DMXL1: variants seen among roughly 807,000 people sequenced by gnomAD.
The protein encoded by DMXL1 is dmX-like protein 1.
A neutral mutation model predicts 319.2 loss-of-function variants in DMXL1; 99 were observed. The ratio of observed to expected loss-of-function variants is 0.31; its 90% confidence interval spans 0.26 to 0.37. DMXL1 has a LOEUF of 0.37. Among genes scored for constraint, DMXL1 ranks in the 10% least tolerant of loss-of-function variants. The pLI is 1.00. For missense variants in DMXL1, 3,745 were observed against 3,595.6 expected, an observed-to-expected ratio of 1.04 and a Z score of -1.06; for synonymous variants, 1,385 against 1,235.2, an observed-to-expected ratio of 1.12 and a Z score of -2.54.
At chr5:119,079,556 A>G (rs959567385) in intron 1 of DMXL1, among the ~76,000 whole-genome samples, 1 of 152,158 alleles carries the variant, frequency 6.6e-6, no homozygotes, top group African/African-American at 2.4e-5. Context: ...TGCCACTTTT[A>G]TGTCCTGCTC....
intron 25 of DMXL1, 107 bp downstream of exon 25, chr5:119,172,076 A>G (rs977257840): frequency 2.1e-5 from 22 of 1,030,474 alleles, no homozygotes; most frequent in Non-Finnish European, 2.9e-5. Flanking sequence ...GACTAAGCAT[A>G]GCAATTGTTA....
Position 119,071,375 on chromosome 5 carries a change from T to C in DMXL1, c.-195T>C, listed in dbSNP as rs1445428724. 2.5e-5 allele frequency: 14 copies of C among 566,584 alleles called. No individual in the cohort carries two copies. In the East Asian group the frequency reaches 4.0e-4, roughly 16 times the overall value. The allele number at this position is 566,584 out of a possible 1,614,324, so 35.1% of individuals were successfully genotyped here. On this transcript the variant is annotated 5_prime_UTR_variant, in exon 1 of 44. Coordinates refer to ENST00000539542, the MANE Select transcript of DMXL1 (RefSeq NM_001290321.3). ...TCCGCCCTCTCGCCGACCCGCCCCCTCCGGGCCTCGCCCTCCGGGGCTCGG... is the reference window on the plus strand; with the variant it reads ...TCCGCCCTCTCGCCGACCCGCCCCCCCCGGGCCTCGCCCTCCGGGGCTCGG...
intron 20 of DMXL1, among the ~76,000 whole-genome samples, chr5:119,164,943 A>C (rs1232464646): frequency 6.6e-6 from 1 of 152,158 alleles, no homozygotes; most frequent in Non-Finnish European, 1.5e-5. Flanking sequence ...GAAAAATTTA[A>C]AAATAGTACA....
intron 2 of DMXL1, among the ~76,000 whole-genome samples, chr5:119,101,409 T>A (rs149350370): frequency 7.0e-4 from 107 of 152,320 alleles, no homozygotes; most frequent in African/African-American, 2.5e-3. Flanking sequence ...TAGTAGTAGT[T>A]ACCTTATAAA....
chr5:119,183,508 C>T (rs866093118), intron 28 of DMXL1, among the ~76,000 whole-genome samples: 13 of 152,038 alleles, frequency 8.6e-5, no homozygotes, highest in African/African-American at 3.1e-4. Flanking sequence ...AGACTCGTAC[C>T]GTCGCCCAGG....
Position 119,220,983 on chromosome 5 carries a change from G to C in DMXL1, c.8179G>C (p.Ala2727Pro), listed in dbSNP as rs201157312. 6.2e-6 allele frequency: 10 copies of C among 1,613,758 alleles called. No individual in the cohort carries two copies. The highest frequency in any genetic ancestry group is 3.4e-6 in the Non-Finnish European group (4 of 1,179,752). The change falls in exon 37 of 44, where the codon GCT becomes CCT. Residue 2727 changes from alanine (A) to proline (P), a missense_variant. Coordinates refer to ENST00000539542, the MANE Select transcript of DMXL1 (RefSeq NM_001290321.3). ...TATACATGCTCGTGATGATTTAACA[G>C]CTGTTCAAGGTACAACTCCATATAC... ...LVIHARDDLT[A>P]VQGTTPYTHS...
At chr5:119,177,566 C>A in intron 27 of DMXL1, 82 bp downstream of exon 27, 2 of 1,196,656 alleles carry the variant, frequency 1.7e-6, no homozygotes, top group Non-Finnish European at 2.3e-6. Flanking sequence ...AGTTTTGCCA[C>A]ATGATAATCA....
intron 13 of DMXL1, 25 bp from the exon 14 acceptor site, chr5:119,143,816 T>G: frequency 6.8e-7 from 1 of 1,474,290 alleles, no homozygotes; most frequent in South Asian, 1.3e-5. Context: ...GTTTAGTAAA[T>G]TATAAATTTT....
intron 10 of DMXL1, 131 bp downstream of exon 10, chr5:119,129,554 A>G (rs7735538): frequency 0.067 from 42,934 of 641,180 alleles, 1,934 homozygotes; most frequent in Non-Finnish European, 0.084. Flanking sequence ...GGACTAGCTC[A>G]TTTAATAATC....
At position 119,237,778 on chromosome 5, in the gene DMXL1, T is replaced by G. The variant is rs1261334901; in HGVS notation, c.8559+364T>G. On this transcript the variant is annotated intron_variant, in intron 40 of 43. Transcript: ENST00000539542. ...CTGGTTATTTTTCTGCAATTATCTCTTATGAACAAACAAAGTGAAAAGGAC... is the reference window on the plus strand; with the variant it reads ...CTGGTTATTTTTCTGCAATTATCTCGTATGAACAAACAAAGTGAAAAGGAC... 3.3e-5 allele frequency among the ~76,000 whole-genome samples: 5 copies of G among 152,174 alleles called. No homozygotes were observed. In the East Asian group the frequency reaches 9.6e-4, roughly 29 times the overall value.
chr5:119,187,695 CTCTG>C lies in DMXL1; in HGVS notation c.7136-2011_7136-2008del, dbSNP rs1400389398. 2.6e-5 allele frequency among the ~76,000 whole-genome samples: 4 copies of C among 152,264 alleles called. No individual in the cohort carries two copies. The East Asian group carries it at 7.7e-4, about 29-fold the overall frequency. ...TTGTTGTTTTTGAGATGAAGTCTTG[CTCTG>C]TTGCCCAGGCTGGAGTGCAGTGGTG... On this transcript the variant is annotated intron_variant, in intron 28 of 43. Transcript: ENST00000539542.
rs147595563 is a variant in DMXL1, at chr5:119,197,942, A to G, written c.7731A>G (p.Thr2577=). ...ILRHKALLEP[T]NTPFKSKHHL... Reference sequence around the variant, plus strand: ...GCCACAAAGCTTTACTGGAACCTACAAACACTCCTTTCAAGTAGGTTTTCT... The same window carrying G: ...GCCACAAAGCTTTACTGGAACCTACGAACACTCCTTTCAAGTAGGTTTTCT... The change falls in exon 32 of 44, where the codon ACA becomes ACG. Residue 2577 remains threonine, a synonymous_variant. Transcript: ENST00000539542. 2.0e-3 allele frequency: 3,193 copies of G among 1,614,106 alleles called. 55 individuals are homozygous for G. The African/African-American group carries it at 0.037, about 19-fold the overall frequency.
intron 39 of DMXL1, among the ~76,000 whole-genome samples, chr5:119,235,852 T>A (rs1787655438): frequency 6.6e-6 from 1 of 152,066 alleles, no homozygotes; most frequent in South Asian, 2.1e-4. Context: ...ATCCAAACTA[T>A]CATTCAAATT....
intron 30 of DMXL1, among the ~76,000 whole-genome samples, chr5:119,196,062 A>C (rs1259710456): frequency 6.6e-6 from 1 of 152,148 alleles, no homozygotes; most frequent in Non-Finnish European, 1.5e-5. Flanking sequence ...ATTACTACAT[A>C]CCGAAACTGA....
chr5:119,193,277 T>G (rs1779015001), intron 29 of DMXL1, among the ~76,000 whole-genome samples: 1 of 152,170 alleles, frequency 6.6e-6, no homozygotes, highest in African/African-American at 2.4e-5. Flanking sequence ...AGCATTTTTT[T>G]GCTTAGCAGA....
chr5:119,133,149 G>C lies in DMXL1; in HGVS notation c.1333G>C (p.Asp445His), dbSNP rs762657591. ...GCTTATAGAAACTGATGATGGTGTT[G>C]ATGATCTGAAAATAAATCCCGAAAA... is the stretch of plus-strand genomic sequence containing the variant. ...KSDEETDDGV[D>H]DLKINPEKKE... The change falls in exon 11 of 44, where the codon GAT (aspartate) becomes CAT (histidine). Residue 445 changes from aspartate to histidine, a missense_variant. Asp to His is a moderately conservative substitution (Grantham distance 81). Transcript: ENST00000539542. The C allele has an allele frequency of 6.2e-7, 1 of 1,614,042 alleles. No individual in the cohort carries two copies. Among genetic ancestry groups the C allele is most frequent in the Non-Finnish European group, 8.5e-7 (1 of 1,179,958 alleles).
At chr5:119,238,195 C>G (rs908678779) in intron 40 of DMXL1, among the ~76,000 whole-genome samples, 1 of 151,882 alleles carries the variant, frequency 6.6e-6, no homozygotes, top group African/African-American at 2.4e-5. Context: ...TTATGAATAA[C>G]TGGCTTTTGG....
At chr5:119,072,284 C>T (rs1749776909) in intron 1 of DMXL1, among the ~76,000 whole-genome samples, 1 of 152,070 alleles carries the variant, frequency 6.6e-6, no homozygotes, top group African/African-American at 2.4e-5. Context: ...TTTCATTGGT[C>T]ACATATTGAC....
chr5:119,085,143 G>A (rs190733656), intron 1 of DMXL1, among the ~76,000 whole-genome samples: 1 of 151,740 alleles, frequency 6.6e-6, no homozygotes, highest in Non-Finnish European at 1.5e-5. Flanking sequence ...ACCCTAGCCA[G>A]CATGGTGAAA....
Sources: gnomAD v4.1 joint callset for allele counts (sites outside exome capture counted in the v4.1 genomes callset) on GRCh38, gnomAD v4.1.1 for gene constraint, MANE v1.5 for transcripts, NCBI Gene and HGNC (gene_info 2026-07-23, HGNC 2026-07-21) for gene names.